The following NAV2 variants were observed in gnomAD, a reference collection of about 807,000 sequenced individuals.
NAV2 encodes neuron navigator 2.
NAV2 carries 54 observed loss-of-function variants against 223.2 expected under a neutral mutation model. The ratio of observed to expected loss-of-function variants is 0.24; its 90% CI spans 0.19 to 0.30. NAV2 has a LOEUF of 0.30. Ranked by LOEUF, NAV2 falls within the 10% of genes least tolerant of loss-of-function variation. The pLI is 1.00. For missense variants in NAV2, 2,806 were observed against 3,147.5 expected (o/e 0.89, Z 2.60); for synonymous variants, 1,279 against 1,239.3 (o/e 1.03, Z -0.67).
chr11:19,818,719 C>T (rs183058006), intron 1 of NAV2, among the ~76,000 whole-genome samples: 17 of 152,314 alleles, frequency 1.1e-4, no homozygotes, highest in African/African-American at 2.9e-4. Context: ...ACTTTAGCAT[C>T]CACCGTCGGG....
At chr11:19,777,911 TACTTTGGGGTGC>T (rs2056405025) in intron 1 of NAV2, 1 of 455,854 alleles carries the variant, frequency 2.2e-6, no homozygotes, top group Non-Finnish European at 4.4e-6. Context: ...TGTGTCTTGA[TACTTTGGGGTGC>T]ACATGGCTAT....
At chr11:19,852,876 C>T (rs925568241) in intron 3 of NAV2, among the ~76,000 whole-genome samples, 2 of 152,162 alleles carry the variant, frequency 1.3e-5, no homozygotes, top group African/African-American at 4.8e-5. Context: ...AGTGATGTGA[C>T]ATATCAAATT....
At chr11:19,691,513 C>T (rs1437133096) in intron 1 of NAV2, among the ~76,000 whole-genome samples, 3 of 152,178 alleles carry the variant, frequency 2.0e-5, no homozygotes, top group African/African-American at 7.2e-5. Context: ...GGCAGTTTCT[C>T]AGTGGGTCTC....
At position 19,457,615 on chromosome 11, in the gene NAV2, A is replaced by G. The variant is rs1391599474; in HGVS notation, c.75+106588A>G. 2.0e-5 allele frequency among the ~76,000 whole-genome samples: 3 copies of G among 152,050 alleles called. No individual in the cohort carries two copies. In the East Asian group the frequency reaches 5.8e-4, roughly 29 times the overall value. On this transcript the variant is annotated intron_variant, in intron 1 of 37. Coordinates refer to the NAV2 transcript ENST00000360655. ...GACACCCTCTGATTTGCATTTTTTA[A>G]AAGGTCACTAGGGCTGCCACATGAA...
chr11:19,960,222 A>G (rs539124512), intron 10 of NAV2, among the ~76,000 whole-genome samples: 6 of 152,258 alleles, frequency 3.9e-5, no homozygotes, highest in Admixed American at 3.9e-4. Context: ...GGTTCTTACC[A>G]GGGGCCCATG....
chr11:20,106,725 C>T (rs1376679171), intron 35 of NAV2, among the ~76,000 whole-genome samples: 5 of 151,692 alleles, frequency 3.3e-5, no homozygotes, highest in Non-Finnish European at 7.4e-5. Flanking sequence ...TCACTGCAAC[C>T]TCTGCCTCCC....
intron 7 of NAV2, among the ~76,000 whole-genome samples, chr11:19,936,126 C>A (rs1459630547): frequency 6.6e-6 from 1 of 151,550 alleles, no homozygotes. Context: ...TCCTCAGCCT[C>A]CTAAAGTGCT....
intron 1 of NAV2, among the ~76,000 whole-genome samples, chr11:19,594,363 C>G (rs1196880325): frequency 6.6e-6 from 1 of 151,906 alleles, no homozygotes. Context: ...CTCTTTTCAA[C>G]CGCATCCTAC....
At chr11:19,529,230 G>A (rs1475171991) in intron 1 of NAV2, among the ~76,000 whole-genome samples, 1 of 152,228 alleles carries the variant, frequency 6.6e-6, no homozygotes, top group Admixed American at 6.5e-5. Context: ...CTCTTGGAAA[G>A]CAGGAGCTGA....
intron 1 of NAV2, among the ~76,000 whole-genome samples, chr11:19,733,553 A>G (rs562745872): frequency 6.6e-6 from 1 of 152,340 alleles, no homozygotes; most frequent in East Asian, 1.9e-4. Context: ...AGGCACCTGC[A>G]CCGTTAGTTC....
At chr11:19,692,846 G>A (rs1590099846) in intron 1 of NAV2, among the ~76,000 whole-genome samples, 1 of 152,342 alleles carries the variant, frequency 6.6e-6, no homozygotes, top group East Asian at 1.9e-4. Flanking sequence ...AGGGGAGATG[G>A]GGATGGGCAG....
At chr11:19,699,951 G>A (rs1350942563) in intron 1 of NAV2, among the ~76,000 whole-genome samples, 2 of 152,200 alleles carry the variant, frequency 1.3e-5, no homozygotes, top group African/African-American at 4.8e-5. Flanking sequence ...GGATCCCCGT[G>A]AGCCAGAGGG....
intron 1 of NAV2, among the ~76,000 whole-genome samples, chr11:19,453,454 C>A (rs1406962130): frequency 6.6e-6 from 1 of 152,202 alleles, no homozygotes; most frequent in Non-Finnish European, 1.5e-5. Context: ...GAAAATTAAT[C>A]TTTAACCTTA....
chr11:19,429,028 G>T (rs145747781), intron 1 of NAV2, among the ~76,000 whole-genome samples: 7 of 152,312 alleles, frequency 4.6e-5, no homozygotes, highest in African/African-American at 1.4e-4. Context: ...GGGAGAAGGG[G>T]AATGGGGAAG....
At chr11:20,051,158 G>T (rs1263932671) in intron 16 of NAV2, 131 bp from the exon 17 acceptor site, 11 of 734,100 alleles carry the variant, frequency 1.5e-5, no homozygotes, top group Non-Finnish European at 2.4e-5. Context: ...TGCACGCCTA[G>T]CTGGATAAGG....
chr11:19,522,195 G>C (rs2043681241), intron 1 of NAV2, among the ~76,000 whole-genome samples: 1 of 152,174 alleles, frequency 6.6e-6, no homozygotes, highest in African/African-American at 2.4e-5. Context: ...CCACCACACA[G>C]CCTCCCTCTT....
intron 1 of NAV2, among the ~76,000 whole-genome samples, chr11:19,798,158 C>T (rs1298462418): frequency 6.6e-6 from 1 of 152,202 alleles, no homozygotes; most frequent in African/African-American, 2.4e-5. Context: ...TTGAAGTCCA[C>T]ACCAAACACC....
intron 11 of NAV2, among the ~76,000 whole-genome samples, chr11:20,026,727 G>A (rs12807657): frequency 0.079 from 11,966 of 152,210 alleles, 547 homozygotes; most frequent in African/African-American, 0.11. Context: ...AAAATGAATA[G>A]ATAAATGCGA....
At chr11:19,534,868 A>G (rs1394006340) in intron 1 of NAV2, among the ~76,000 whole-genome samples, 1 of 152,222 alleles carries the variant, frequency 6.6e-6, no homozygotes, top group East Asian at 1.9e-4. Flanking sequence ...CCTTGGTTCA[A>G]ATCTTCACTC....
Sources: allele counts gnomAD v4.1 joint callset (sites outside exome capture counted in the v4.1 genomes callset), GRCh38; gene constraint gnomAD v4.1.1; transcripts MANE v1.5; gene names NCBI Gene and HGNC (gene_info 2026-07-23, HGNC 2026-07-21).